Variants in TMEM165 observed in about 807,000 individuals in gnomAD.
TMEM165 encodes the protein putative divalent cation/proton antiporter TMEM165.
In TMEM165, 19 loss-of-function variants were observed where a neutral mutation model predicts 30.0. That is an observed-to-expected ratio of 0.63 (90% confidence interval 0.44 to 0.93). The LOEUF (loss-of-function observed/expected upper bound fraction) is 0.93. TMEM165 is among the 40% of genes least tolerant of loss of function. The pLI, the probability that TMEM165 is intolerant of heterozygous loss-of-function variation, is 0.00. For missense variants in TMEM165, 340 were observed against 417.0 expected, an observed-to-expected ratio of 0.82 and a Z score of 1.61; for synonymous variants, 168 against 162.9, an observed-to-expected ratio of 1.03 and a Z score of -0.24.
At chr4:55,449,941 T>C in intron 3 of TMEM165, 1 of 913,652 alleles carries the variant, frequency 1.1e-6, no homozygotes, top group Non-Finnish European at 1.7e-6. Context: ...GTGGGCAATG[T>C]CCCTTTAACT....
intron 1 of TMEM165, among the ~76,000 whole-genome samples, chr4:55,410,472 AG>A (rs1290578311): frequency 1.3e-5 from 2 of 152,052 alleles, no homozygotes; most frequent in African/African-American, 4.8e-5. Flanking sequence ...CAATGGGCGC[AG>A]TCTCAGCTCA....
chr4:55,408,303 C>T (rs1053784286), intron 1 of TMEM165, among the ~76,000 whole-genome samples: 7 of 152,102 alleles, frequency 4.6e-5, no homozygotes, highest in African/African-American at 7.2e-5. Context: ...TATGTAGCAT[C>T]GCTTAATGAT....
intron 4 of TMEM165, among the ~76,000 whole-genome samples, chr4:55,421,146 G>A (rs1287578946): frequency 2.4e-4 from 27 of 110,490 alleles, no homozygotes; most frequent in Middle Eastern, 9.1e-3. Flanking sequence ...CACTCTGGTC[G>A]ACAGAGCTAG....
chr4:55,397,691 T>G (rs1414967463), intron 1 of TMEM165, among the ~76,000 whole-genome samples: 1 of 151,774 alleles, frequency 6.6e-6, no homozygotes, highest in Non-Finnish European at 1.5e-5. Context: ...TTCCTTTCCA[T>G]TCCTTTCATT....
At position 55,453,240 on chromosome 4, in the gene TMEM165, T is replaced by C. The variant is rs1012456691; in HGVS notation, c.*934T>C. On this transcript the variant is annotated 3_prime_UTR_variant, in exon 4 of 4. Coordinates refer to the TMEM165 transcript ENST00000608091. ...TGTCTCATCTGTTCATCTAGACTAT[T>C]TGCTATGTGCTACACAAACCTAAAA... 3 of 904,106 alleles carry C rather than the reference T, an allele frequency of 3.3e-6. No homozygotes were observed. The Admixed American group carries it at 5.6e-5, about 17-fold the overall frequency. 56.0% of individuals were successfully genotyped at this position (904,106 alleles called of 1,614,324 possible).
rs530302737 is a variant in TMEM165 at position 55,417,107 on chromosome 4, G to T, written c.469G>T (p.Val157Phe). ...FGYATTVIPR[V>F]YTYYVSTVLF... Reference sequence around the variant, plus strand: ...CTATGCCACCACAGTCATCCCCAGGGTCTATACATACTATGTTTCAACTGT... The same window carrying T: ...CTATGCCACCACAGTCATCCCCAGGTTCTATACATACTATGTTTCAACTGT... Residue 157 changes from valine (V) to phenylalanine (F), a missense_variant, in exon 3 of 6, where the codon GTC becomes TTC. Physicochemically the swap from Val to Phe is conservative, Grantham distance 50 (BLOSUM62 -1). This residue lies in a region of TMEM165 where 220 missense variants were observed against 307.6 expected (regional missense o/e 0.72). Coordinates refer to ENST00000381334, the MANE Select transcript of TMEM165 (RefSeq NM_018475.5). 9.3e-6 allele frequency: 15 copies of T among 1,613,160 alleles called. No homozygotes were observed. In the South Asian group the frequency reaches 1.4e-4, roughly 15 times the overall value.
intron 3 of TMEM165, among the ~76,000 whole-genome samples, chr4:55,437,453 G>A (rs1722975664): frequency 6.6e-6 from 1 of 152,172 alleles, no homozygotes; most frequent in South Asian, 2.1e-4. Context: ...CTCTGCTGAG[G>A]ATCTTGCCTA....
At chr4:55,450,706 A>G (rs1295675366) in intron 3 of TMEM165, among the ~76,000 whole-genome samples, 2 of 151,936 alleles carry the variant, frequency 1.3e-5, no homozygotes, top group Non-Finnish European at 1.5e-5. Context: ...GAGGCGGAGG[A>G]TGTAGTGAGC....
chr4:55,443,540 T>C (rs1723543361), intron 3 of TMEM165: 1 of 689,902 alleles, frequency 1.4e-6, no homozygotes, highest in Non-Finnish European at 2.5e-6. Context: ...CACAAAATAT[T>C]TTAATAATCA....
intron 5 of TMEM165, chr4:55,424,950 G>C: frequency 2.6e-6 from 1 of 386,260 alleles, no homozygotes; most frequent in Admixed American, 4.3e-5. Flanking sequence ...TGTCTTACAA[G>C]ACTGGAATCA....
intron 1 of TMEM165, among the ~76,000 whole-genome samples, chr4:55,402,795 C>CTTTTTTTTTTTTTTTTT (rs71194554): frequency 0.014 from 1,018 of 71,288 alleles, 223 homozygotes; most frequent in East Asian, 0.02. Context: ...TTAAAAAAAG[C>CTTTTTTTTTTTTTTTTT]TTTTTTTTTT....
chr4:55,412,908 T>C (rs943036234), intron 2 of TMEM165, among the ~76,000 whole-genome samples: 2 of 152,106 alleles, frequency 1.3e-5, no homozygotes, highest in Non-Finnish European at 2.9e-5. Flanking sequence ...ATATTATAAA[T>C]TTAAATAATC....
chr4:55,448,862 T>G (rs753162884), intron 3 of TMEM165: 7 of 1,613,208 alleles, frequency 4.3e-6, no homozygotes, highest in African/African-American at 1.3e-5. Context: ...GACTGGGAAT[T>G]TATGGACTAG....
intron 1 of TMEM165, among the ~76,000 whole-genome samples, chr4:55,404,833 C>T (rs1448334280): frequency 1.3e-5 from 2 of 152,200 alleles, no homozygotes. Context: ...GTTTAAGAAT[C>T]CATCTCAGGT....
chr4:55,400,790 G>A (rs1354396255), intron 1 of TMEM165, among the ~76,000 whole-genome samples: 3 of 150,056 alleles, frequency 2.0e-5, no homozygotes, highest in Admixed American at 1.3e-4. Context: ...TTTCCTCTAC[G>A]GTACTCACTA....
At chr4:55,422,174 T>A (rs926041543) in intron 4 of TMEM165, among the ~76,000 whole-genome samples, 3 of 152,236 alleles carry the variant, frequency 2.0e-5, no homozygotes, top group African/African-American at 7.2e-5. Flanking sequence ...TGTGGACCCT[T>A]CTTTCTCTGT....
rs1352212446 is a variant in TMEM165 at position 55,396,240 on chromosome 4, T to G, written c.51T>G (p.Leu17=). The G allele has an allele frequency of 2.0e-6, 3 of 1,495,724 alleles. No homozygotes were observed. The highest frequency in any genetic ancestry group is 2.7e-6 in the Non-Finnish European group (3 of 1,129,066). The allele number at this position is 1,495,724 out of a possible 1,614,324, so 92.7% of individuals were successfully genotyped here. ...GNGRASAPRL[L]LLFLVPLLWA... Reference sequence around the variant, plus strand: ...GCCGCGCATCGGCGCCCCGGCTGCTTCTGCTCTTTCTGGTTCCGCTGCTGT... The same window carrying G: ...GCCGCGCATCGGCGCCCCGGCTGCTGCTGCTCTTTCTGGTTCCGCTGCTGT... Residue 17 remains leucine (L), a synonymous_variant, in exon 1 of 6, where the codon CTT becomes CTG. Transcript: ENST00000381334.
At chr4:55,438,333 A>C (rs1723061175) in intron 3 of TMEM165, 9 of 1,614,058 alleles carry the variant, frequency 5.6e-6, no homozygotes, top group South Asian at 1.1e-5. Flanking sequence ...ATGGTTGCTG[A>C]ACTGAAGTGA....
chr4:55,396,500 G>T (rs1338999228), intron 1 of TMEM165, 104 bp downstream of exon 1: 1 of 1,046,826 alleles, frequency 9.6e-7, no homozygotes, highest in Non-Finnish European at 1.3e-6. Flanking sequence ...TCGGCTGGGG[G>T]AGGGGAGCCC....
Sources: allele counts gnomAD v4.1 joint callset (sites outside exome capture counted in the v4.1 genomes callset), GRCh38; gene constraint gnomAD v4.1.1; regional missense constraint gnomAD v4.1.1; transcripts MANE v1.5; gene names NCBI Gene and HGNC (gene_info 2026-07-23, HGNC 2026-07-21).